The following HDGFL2 variants were observed in gnomAD, a reference collection of about 807,000 sequenced individuals.
The protein encoded by HDGFL2 is HDGF like 2, also known as hepatoma-derived growth factor-related protein 2.
In HDGFL2, 36 loss-of-function variants were observed where a neutral mutation model predicts 77.1. The ratio of observed to expected loss-of-function variants is 0.47; its 90% CI spans 0.36 to 0.62. HDGFL2 has a LOEUF of 0.62. HDGFL2 is among the 20% of genes least tolerant of loss of function. The pLI, the probability that HDGFL2 is intolerant of heterozygous loss-of-function variation, is 0.00. For missense variants in HDGFL2, 976 were observed against 973.4 expected, an observed-to-expected ratio of 1.00 and a Z score of -0.04; for synonymous variants, 463 against 413.1, an observed-to-expected ratio of 1.12 and a Z score of -1.46.
Position 4,475,617 on chromosome 19 carries a change from G to A in HDGFL2, c.288+34G>A, listed in dbSNP as rs372875407. On this transcript the variant is annotated intron_variant, in intron 3 of 15. Transcript: ENST00000616600. ...CCGGGGTGGAGAGCCAGTGTGAAGCGCGCTACTGATGCAAGAAGGGGCCTC... is the reference window on the plus strand; with the variant it reads ...CCGGGGTGGAGAGCCAGTGTGAAGCACGCTACTGATGCAAGAAGGGGCCTC... 16 of 1,541,872 alleles carry A rather than the reference G, an allele frequency of 1.0e-5. No homozygotes were observed. The African/African-American group carries it at 1.1e-4, about 11-fold the overall frequency.
At chr19:4,484,441 A>T (rs941794944) in intron 3 of HDGFL2, among the ~76,000 whole-genome samples, 4 of 151,856 alleles carry the variant, frequency 2.6e-5, no homozygotes, top group African/African-American at 9.7e-5. Flanking sequence ...ATCATTTAAG[A>T]GTATACCGTA....
chr19:4,478,863 T>C (rs1266445465), intron 3 of HDGFL2, among the ~76,000 whole-genome samples: 1 of 151,756 alleles, frequency 6.6e-6, no homozygotes, highest in Admixed American at 6.6e-5. Flanking sequence ...TTTTTGTATT[T>C]TTAGTAGAGA....
At position 4,475,352 on chromosome 19, in the gene HDGFL2, G is replaced by T. The variant is rs762370468; in HGVS notation, c.149+1G>T. 1 of 1,614,092 alleles carries T rather than the reference G, an allele frequency of 6.2e-7. No homozygotes were observed. ...TCTTTTTCTTTGGCACACACGAAACGTAAGTGTCCCCTTCTGGGGCTTGGT... is the reference window on the plus strand; with the variant it reads ...TCTTTTTCTTTGGCACACACGAAACTTAAGTGTCCCCTTCTGGGGCTTGGT... On this transcript the variant is annotated splice_donor_variant, in intron 2 of 15. Transcript: ENST00000616600. LOFTEE classifies it high-confidence loss of function.
intron 3 of HDGFL2, among the ~76,000 whole-genome samples, chr19:4,486,996 C>T (rs758257315): frequency 1.9e-4 from 29 of 151,852 alleles, no homozygotes; most frequent in Non-Finnish European, 2.2e-4. Context: ...GACGGAGTCT[C>T]GCTCTGTCAC....
intron 9 of HDGFL2, among the ~76,000 whole-genome samples, chr19:4,495,839 C>CA (rs1975687602): frequency 1.3e-5 from 2 of 152,090 alleles, no homozygotes; most frequent in South Asian, 4.1e-4. Flanking sequence ...CGGGCCCTGT[C>CA]ACGCCCTCTA....
rs1188223580 is a variant in HDGFL2, at chr19:4,493,720, C to T, written c.696C>T (p.Ser232=). 11 of 1,478,832 alleles carry T rather than the reference C, an allele frequency of 7.4e-6. No homozygotes were observed. Among genetic ancestry groups the T allele is most frequent in the African/African-American group, 4.3e-5 (3 of 70,474 alleles). The allele number at this position is 1,478,832 out of a possible 1,614,324, so 91.6% of individuals were successfully genotyped here. The change falls in exon 7 of 16, where the codon TCC becomes TCT. Residue 232 remains serine, a synonymous_variant. Transcript: ENST00000616600. The part of the protein sequence containing the change: ...GRKKKKAPSA[S]DSDSKADSDG... ...CTCCCCAGAAGGCGCCATCAGCCTC[C>T]GACTCCGACTCCAAGGCCGATTCGG...
intron 3 of HDGFL2, among the ~76,000 whole-genome samples, chr19:4,485,571 A>T (rs987892440): frequency 6.0e-5 from 9 of 150,978 alleles, no homozygotes; most frequent in African/African-American, 2.2e-4. Context: ...ACCACGTCTC[A>T]ACTAAAAAAA....
chr19:4,497,388 G>A (rs752813622), intron 10 of HDGFL2: 15 of 325,444 alleles, frequency 4.6e-5, no homozygotes, highest in Non-Finnish European at 8.4e-5. Context: ...TAGTAGAGAC[G>A]GGGCTTCACC....
intron 3 of HDGFL2, among the ~76,000 whole-genome samples, chr19:4,482,997 C>T (rs1231873864): frequency 6.6e-6 from 1 of 152,192 alleles, no homozygotes; most frequent in Non-Finnish European, 1.5e-5. Flanking sequence ...CAGCGCTTGT[C>T]TCCTTACCAG....
intron 3 of HDGFL2, among the ~76,000 whole-genome samples, chr19:4,486,849 T>A (rs1156295824): frequency 6.6e-6 from 1 of 152,208 alleles, no homozygotes; most frequent in Admixed American, 6.5e-5. Flanking sequence ...GTGCCATTCC[T>A]GCTCTCTGGA....
chr19:4,473,787 A>T (rs754876583), intron 1 of HDGFL2, among the ~76,000 whole-genome samples: 2 of 150,808 alleles, frequency 1.3e-5, no homozygotes, highest in Non-Finnish European at 3.0e-5. Context: ...CTGTTGGGGG[A>T]CCCTGGGGAT....
Position 4,494,238 on chromosome 19 carries a change from C to G in HDGFL2, c.987C>G (p.Ala329=). The change falls in exon 9 of 16, where the codon GCC becomes GCG. Residue 329 remains alanine (A), a synonymous_variant. Transcript: ENST00000616600. ...AGGCGCGGAGGCGCGAGCTGGAGGC[C>G]CGGCGGCGGCGAGAGCAGGAGGAGG... ...RDEARRRELE[A]RRRREQEEEL... 1.4e-6 allele frequency: 2 copies of G among 1,461,482 alleles called. No homozygotes were observed. Among genetic ancestry groups the G allele is most frequent in the Non-Finnish European group, 1.8e-6 (2 of 1,110,262 alleles). 90.5% of individuals were successfully genotyped at this position (1,461,482 alleles called of 1,614,324 possible). A position where few individuals can be genotyped will look rare whatever the true frequency, so the allele number is the denominator to read the frequency against.
intron 3 of HDGFL2, 84 bp downstream of exon 3, chr19:4,475,667 C>T: frequency 2.1e-6 from 3 of 1,462,970 alleles, no homozygotes; most frequent in Middle Eastern, 2.2e-4. Flanking sequence ...CCCCTGGGCA[C>T]TGTGGACACA....
intron 3 of HDGFL2, among the ~76,000 whole-genome samples, chr19:4,476,579 GC>G: frequency 6.6e-6 from 1 of 150,920 alleles, no homozygotes. Flanking sequence ...TTTGAGAAGA[GC>G]CCCCTCTTTC....
At chr19:4,491,269 AC>A (rs1975502609) in intron 4 of HDGFL2, among the ~76,000 whole-genome samples, 2 of 19,458 alleles carry the variant, frequency 1.0e-4, no homozygotes, top group African/African-American at 3.8e-4. Context: ...CCACCCCCCC[AC>A]CCCCCCACCC....
intron 9 of HDGFL2, 112 bp downstream of exon 9, chr19:4,494,587 T>A: frequency 1.3e-6 from 1 of 799,360 alleles, no homozygotes; most frequent in Non-Finnish European, 1.7e-6. Flanking sequence ...AAGCAGTGCG[T>A]GGGCCCAGAA....
intron 3 of HDGFL2, among the ~76,000 whole-genome samples, chr19:4,481,954 C>G (rs1052295021): frequency 1.3e-4 from 20 of 151,248 alleles, no homozygotes; most frequent in African/African-American, 4.9e-4. Flanking sequence ...CCCTGATCCT[C>G]CAAGACAGCT....
intron 1 of HDGFL2, 47 bp downstream of exon 1, chr19:4,472,469 A>T: frequency 8.7e-6 from 4 of 458,302 alleles, no homozygotes; most frequent in Non-Finnish European, 8.9e-6. Flanking sequence ...GGGGGGGGGC[A>T]GCGGGGGCCC....
chr19:4,480,517 G>C (rs559923392), intron 3 of HDGFL2, among the ~76,000 whole-genome samples: 1 of 152,340 alleles, frequency 6.6e-6, no homozygotes, highest in South Asian at 2.1e-4. Flanking sequence ...TCAGGAGTTT[G>C]AGATCAGCCT....
Sources: allele counts gnomAD v4.1 joint callset (sites outside exome capture counted in the v4.1 genomes callset), GRCh38; gene constraint gnomAD v4.1.1; transcripts MANE v1.5; gene names NCBI Gene and HGNC (gene_info 2026-07-23, HGNC 2026-07-21).